CDH8: variants seen among roughly 807,000 people sequenced by gnomAD.
CDH8 encodes the protein cadherin 8.
Under a neutral mutation model 68.1 loss-of-function variants are expected in CDH8, and 17 were observed. The observed-to-expected ratio is 0.25, with a 90% CI of 0.17 to 0.37. The LOEUF is 0.37. CDH8 is among the 10% of genes least tolerant of loss of function. The pLI is 1.00. For missense variants in CDH8, 763 were observed against 999.3 expected (o/e 0.76, Z 3.19); for synonymous variants, 372 against 365.1 (o/e 1.02, Z -0.21).
intron 2 of CDH8, among the ~76,000 whole-genome samples, chr16:61,956,179 A>T (rs1964985887): frequency 6.6e-6 from 1 of 152,190 alleles, no homozygotes; most frequent in South Asian, 2.1e-4. Flanking sequence ...AAATTTGTAT[A>T]CACACACTAT....
intron 8 of CDH8, among the ~76,000 whole-genome samples, chr16:61,757,221 A>T (rs149820088): frequency 0.014 from 2,078 of 152,250 alleles, 22 homozygotes; most frequent in Non-Finnish European, 0.021. Flanking sequence ...CAAGCCTTAA[A>T]CCAAGGACTA....
intron 7 of CDH8, among the ~76,000 whole-genome samples, chr16:61,801,847 G>A (rs1039939682): frequency 1.3e-5 from 2 of 152,140 alleles, no homozygotes; most frequent in Non-Finnish European, 2.9e-5. Context: ...TTCTAGCACA[G>A]CAGTCTGAGA....
At chr16:61,857,357 C>A (rs925708564) in intron 3 of CDH8, 119 bp from the exon 4 acceptor site, 2 of 908,526 alleles carry the variant, frequency 2.2e-6, no homozygotes, top group South Asian at 1.7e-5. Context: ...GAAAAGAAAT[C>A]TTTTTAAAAA....
intron 7 of CDH8, among the ~76,000 whole-genome samples, chr16:61,797,952 T>C (rs968960369): frequency 6.6e-6 from 1 of 152,154 alleles, no homozygotes; most frequent in Non-Finnish European, 1.5e-5. Context: ...TTAAAGTTTG[T>C]TCCACAAACA....
chr16:61,821,757 T>C (rs1172563083), intron 5 of CDH8, among the ~76,000 whole-genome samples: 8 of 151,992 alleles, frequency 5.3e-5, no homozygotes, highest in African/African-American at 1.9e-4. Flanking sequence ...CACTCTCCTA[T>C]GGGGGCAATA....
chr16:61,807,074 A>T (rs1302011863), intron 7 of CDH8, among the ~76,000 whole-genome samples: 3 of 130,656 alleles, frequency 2.3e-5, no homozygotes, highest in Middle Eastern at 3.8e-3. Flanking sequence ...AACCAACCCA[A>T]ATGTCCAACA....
intron 3 of CDH8, among the ~76,000 whole-genome samples, chr16:61,863,114 C>A (rs1043271555): frequency 6.6e-6 from 1 of 152,154 alleles, no homozygotes; most frequent in Non-Finnish European, 1.5e-5. Context: ...CTGCTAGTAT[C>A]AAGCCGAGTA....
intron 10 of CDH8, among the ~76,000 whole-genome samples, chr16:61,710,357 C>G (rs867343143): frequency 6.6e-5 from 10 of 152,096 alleles, no homozygotes; most frequent in Admixed American, 2.6e-4. Flanking sequence ...AAATTATACT[C>G]TATACAGTTA....
intron 2 of CDH8, among the ~76,000 whole-genome samples, chr16:61,959,656 A>C (rs1339930982): frequency 6.6e-6 from 1 of 151,232 alleles, no homozygotes; most frequent in Non-Finnish European, 1.5e-5. Context: ...AGACAGAGGG[A>C]GGAAATGTTT....
chr16:61,938,280 T>C (rs1020620839), intron 2 of CDH8, among the ~76,000 whole-genome samples: 1 of 152,150 alleles, frequency 6.6e-6, no homozygotes, highest in African/African-American at 2.4e-5. Context: ...TTTTAAAATA[T>C]ACATGATTTC....
chr16:61,853,957 T>C (rs1428042504), intron 4 of CDH8, among the ~76,000 whole-genome samples: 1 of 151,858 alleles, frequency 6.6e-6, no homozygotes, highest in East Asian at 1.9e-4. Context: ...CATATATGTG[T>C]ATATATACAT....
chr16:61,733,011 T>C (rs1212826322), intron 8 of CDH8, among the ~76,000 whole-genome samples: 1 of 151,774 alleles, frequency 6.6e-6, no homozygotes, highest in Non-Finnish European at 1.5e-5. Context: ...AATATATACT[T>C]TCACTCCTCT....
At chr16:61,725,194 CAAAG>C (rs890512391) in intron 9 of CDH8, 1 of 150,686 alleles carries the variant, frequency 6.6e-6, no homozygotes, top group African/African-American at 2.4e-5. Context: ...AATCATAAAA[CAAAG>C]AATCAATTTT....
chr16:61,974,642 T>C (rs968158239), intron 2 of CDH8, among the ~76,000 whole-genome samples: 4 of 152,172 alleles, frequency 2.6e-5, no homozygotes, highest in African/African-American at 7.2e-5. Flanking sequence ...ATAAACTAGA[T>C]AGCATAGAAA....
At chr16:61,860,573 A>G (rs966829574) in intron 3 of CDH8, among the ~76,000 whole-genome samples, 2 of 152,168 alleles carry the variant, frequency 1.3e-5, no homozygotes, top group African/African-American at 4.8e-5. Context: ...AGTCTAGTGT[A>G]TTCACTTTCA....
intron 8 of CDH8, among the ~76,000 whole-genome samples, chr16:61,749,280 T>C (rs1376407507): frequency 6.6e-6 from 1 of 152,038 alleles, no homozygotes; most frequent in Non-Finnish European, 1.5e-5. Flanking sequence ...GGTAAAACTC[T>C]GTATTTAAGA....
chr16:61,790,753 GAAAAC>G (rs1417432186), intron 7 of CDH8, among the ~76,000 whole-genome samples: 3 of 151,972 alleles, frequency 2.0e-5, no homozygotes, highest in African/African-American at 7.2e-5. Flanking sequence ...AGAGTTCATT[GAAAAC>G]ATTATGTATG....
At chr16:62,035,694 G>T (rs532619155) in intron 1 of CDH8, among the ~76,000 whole-genome samples, 6 of 152,058 alleles carry the variant, frequency 3.9e-5, no homozygotes, top group Non-Finnish European at 7.4e-5. Flanking sequence ...CCCATTCACC[G>T]CACGGACCCC....
chr16:61,854,103 CACACACACATGCACACATATACACAT>C (rs1962996828), intron 4 of CDH8, among the ~76,000 whole-genome samples: 1 of 146,476 alleles, frequency 6.8e-6, no homozygotes, highest in Non-Finnish European at 1.5e-5. Context: ...TATAAGTACG[CACACACACATGCACACATATACACAT>C]ACACACACAC....
Sources: gnomAD v4.1 joint callset for allele counts (sites outside exome capture counted in the v4.1 genomes callset) on GRCh38, gnomAD v4.1.1 for gene constraint, MANE v1.5 for transcripts, NCBI Gene and HGNC (gene_info 2026-07-23, HGNC 2026-07-21) for gene names.